FGF13: variants seen among roughly 807,000 people sequenced by gnomAD.
The protein encoded by FGF13 is fibroblast growth factor 13.
In FGF13, 2 loss-of-function variants were observed where a neutral mutation model predicts 19.5. The observed-to-expected ratio is 0.10, with a 90% CI of 0.04 to 0.32. The LOEUF (loss-of-function observed/expected upper bound fraction) is 0.32. Among genes scored for constraint, FGF13 ranks in the 10% least tolerant of loss-of-function variants. The pLI, the probability that FGF13 is intolerant of heterozygous loss-of-function variation, is 1.00. For synonymous variants in FGF13, 72 were observed against 76.9 expected (o/e 0.94, Z 0.33); for missense variants, 113 against 192.7 (o/e 0.59, Z 2.45).
At chrX:139,204,219 T>G, upstream of FGF13, 4 of 719,485 alleles carry the variant, frequency 5.6e-6, no homozygotes, top group Non-Finnish European at 8.6e-6. Context: ...CTCCCCTCGG[T>G]GTGGTTCGGG....
intron 3 of FGF13, among the ~76,000 whole-genome samples, chrX:138,701,214 T>C (rs191435531): frequency 4.5e-3 from 511 of 112,439 alleles, no homozygotes; most frequent in Middle Eastern, 0.019. Flanking sequence ...AATTATTTCA[T>C]ATGATATCTG....
intron 3 of FGF13, among the ~76,000 whole-genome samples, chrX:138,766,877 C>G (rs1408018947): frequency 8.9e-6 from 1 of 112,051 alleles, no homozygotes; most frequent in African/African-American, 3.2e-5. Context: ...CTTCAATCTT[C>G]TACATATAGC....
At chrX:139,137,491 C>T (rs1001446083) in intron 1 of FGF13, among the ~76,000 whole-genome samples, 10 of 111,739 alleles carry the variant, frequency 8.9e-5, no homozygotes, top group African/African-American at 3.3e-4. Flanking sequence ...AAGTTACAGA[C>T]TTCTTCACCA....
intron 1 of FGF13, among the ~76,000 whole-genome samples, chrX:138,718,223 A>G (rs2090123120): frequency 8.9e-6 from 1 of 112,121 alleles, no homozygotes; most frequent in African/African-American, 3.2e-5. Context: ...AGGTGCTTCT[A>G]TGGTGAGACA....
At chrX:138,864,752 C>CT (rs1569413825) in intron 1 of FGF13, 1 of 112,470 alleles carries the variant, frequency 8.9e-6, no homozygotes, top group Non-Finnish European at 1.9e-5. Context: ...ATGACATATA[C>CT]TTTTTTCTGT....
chrX:139,062,744 A>C (rs1240322701), intron 1 of FGF13, among the ~76,000 whole-genome samples: 1 of 111,752 alleles, frequency 8.9e-6, no homozygotes, highest in Non-Finnish European at 1.9e-5. Flanking sequence ...TTTTAAAGGG[A>C]AAGTAACTAG....
chrX:138,694,305 A>G (rs1313906137), intron 3 of FGF13, among the ~76,000 whole-genome samples: 1 of 111,770 alleles, frequency 8.9e-6, no homozygotes, highest in Non-Finnish European at 1.9e-5. Context: ...TATTGCACCT[A>G]AACAATGCAA....
At chrX:138,921,751 C>A (rs932258776) in intron 1 of FGF13, among the ~76,000 whole-genome samples, 2 of 110,884 alleles carry the variant, frequency 1.8e-5, no homozygotes, top group Non-Finnish European at 3.8e-5. Flanking sequence ...ACCTTTGAAT[C>A]TAACCTTGTA....
At chrX:138,971,136 G>C (rs768242559) in intron 1 of FGF13, among the ~76,000 whole-genome samples, 1 of 111,534 alleles carries the variant, frequency 9.0e-6, no homozygotes, top group South Asian at 3.8e-4. Flanking sequence ...AAATAGGACA[G>C]GGTATTGCCA....
intron 3 of FGF13, among the ~76,000 whole-genome samples, chrX:138,655,588 C>T (rs2089428183): frequency 9.0e-6 from 1 of 111,052 alleles, no homozygotes; most frequent in Non-Finnish European, 1.9e-5. Context: ...TTAAGATGTG[C>T]TAAGGAGGGG....
At chrX:138,839,720 G>A (rs774824511) in intron 3 of FGF13, among the ~76,000 whole-genome samples, 12 of 111,833 alleles carry the variant, frequency 1.1e-4, no homozygotes, top group Non-Finnish European at 1.7e-4. Flanking sequence ...AGAATAAAAT[G>A]TTTTGTCAAT....
chrX:138,710,947 G>A lies in FGF13; in HGVS notation c.57C>T (p.Arg19=), dbSNP rs1458937776. The A allele has an allele frequency of 8.3e-7, 1 of 1,211,656 alleles. No individual in the cohort carries two copies. Among genetic ancestry groups the A allele is most frequent in the African/African-American group, 1.7e-5 (1 of 57,875 alleles). ...LIRQKRQARE[R]EKSNACKCVS... is the part of the protein sequence containing the mutation. Reference sequence around the variant, plus strand: ...CACACTTGCAGGCGTTGGATTTCTCGCGCTCGCGGGCTTGCCTCTTCTGAC... The same window carrying A: ...CACACTTGCAGGCGTTGGATTTCTCACGCTCGCGGGCTTGCCTCTTCTGAC... The change falls in exon 1 of 5, where the codon CGC becomes CGT. Residue 19 remains arginine (R), a synonymous_variant. Coordinates refer to ENST00000315930, the MANE Select transcript of FGF13 (RefSeq NM_004114.5).
intron 1 of FGF13, among the ~76,000 whole-genome samples, chrX:138,917,906 G>A (rs899880531): frequency 8.1e-5 from 9 of 111,252 alleles, no homozygotes; most frequent in African/African-American, 2.6e-4. Context: ...TGACTCGAAA[G>A]GAGGTTCTAT....
chrX:138,933,493 G>C (rs1569425853), intron 1 of FGF13, among the ~76,000 whole-genome samples: 2 of 111,270 alleles, frequency 1.8e-5, no homozygotes, highest in Non-Finnish European at 3.8e-5. Context: ...AACAGTGAGA[G>C]GCTGTCAAAG....
At chrX:139,071,728 C>T (rs187201364) in intron 1 of FGF13, among the ~76,000 whole-genome samples, 4 of 110,742 alleles carry the variant, frequency 3.6e-5, no homozygotes, top group Admixed American at 1.9e-4. Flanking sequence ...TCTCAAAATG[C>T]CTTTATTGGC....
At chrX:138,918,176 T>C (rs73633968) in intron 1 of FGF13, among the ~76,000 whole-genome samples, 1 of 81,809 alleles carries the variant, frequency 1.2e-5, no homozygotes, top group Non-Finnish European at 2.5e-5. Flanking sequence ...AAAAAAAAAA[T>C]AGGATTTCCT....
chrX:138,635,355 A>G lies in FGF13; in HGVS notation c.601+102T>C, dbSNP rs915171277. 1.2e-4 allele frequency: 102 copies of G among 834,783 alleles called. 1 individual carries two copies. Among genetic ancestry groups the G allele is most frequent in the Non-Finnish European group, 1.5e-4 (85 of 585,014 alleles). 68.8% of individuals were successfully genotyped at this position (834,783 alleles called of 1,213,427 possible). A position where few individuals can be genotyped will look rare whatever the true frequency, so the allele number is the denominator to read the frequency against. On this transcript the variant is annotated intron_variant, in intron 4 of 4. Transcript: ENST00000315930. ...GAAATCACCACTAAATAGCTTGTCTATGTAACCAAAAACCACCTGTACCCC... is the reference window on the plus strand; with the variant it reads ...GAAATCACCACTAAATAGCTTGTCTGTGTAACCAAAAACCACCTGTACCCC...
rs780626827 is a variant in FGF13 at position 138,648,817 on chromosome X, C to T, written c.403-13162G>A. Reference sequence around the variant, plus strand: ...CAGCGCACAGAGAAAAAGAATCAAACGTCAGCATGTCAGAAACCTCCAGGC... The same window carrying T: ...CAGCGCACAGAGAAAAAGAATCAAATGTCAGCATGTCAGAAACCTCCAGGC... On this transcript the variant is annotated intron_variant, in intron 3 of 4. Coordinates refer to ENST00000315930, the MANE Select transcript of FGF13 (RefSeq NM_004114.5). Among the ~76,000 whole-genome samples the T allele has an allele frequency of 2.9e-4, 32 of 111,448 alleles. No individual in the cohort carries two copies. The South Asian group carries it at 7.0e-3, about 24-fold the overall frequency.
At chrX:138,791,709 C>A (rs1569395997) in intron 3 of FGF13, among the ~76,000 whole-genome samples, 1 of 112,038 alleles carries the variant, frequency 8.9e-6, no homozygotes, top group East Asian at 2.8e-4. Context: ...TACATTCAAG[C>A]TGGTTTTGTC....
Sources: gnomAD v4.1 joint callset for allele counts (sites outside exome capture counted in the v4.1 genomes callset) on GRCh38, gnomAD v4.1.1 for gene constraint, MANE v1.5 for transcripts, NCBI Gene and HGNC (gene_info 2026-07-23, HGNC 2026-07-21) for gene names.